Variants in ADAMTSL1 observed in about 807,000 individuals in gnomAD.
ADAMTSL1 encodes the protein ADAMTS like 1.
Under a neutral mutation model 201.8 loss-of-function variants are expected in ADAMTSL1, and 126 were observed. That is an observed-to-expected ratio of 0.62 (90% CI 0.54 to 0.72). The LOEUF (loss-of-function observed/expected upper bound fraction) is 0.72, where lower values mean the gene tolerates loss of function less well. ADAMTSL1 is among the 30% of genes least tolerant of loss of function. The probability of loss-of-function intolerance (pLI) is 0.00; values close to 1 mark genes in which losing one functional copy is unlikely to be tolerated. For synonymous variants in ADAMTSL1, 1,121 were observed against 903.4 expected (o/e 1.24, Z -4.32); for missense variants, 2,679 against 2,277.8 (o/e 1.18, Z -3.59).
chr9:18,030,160 A>G (rs921628896), intron 1 of ADAMTSL1, among the ~76,000 whole-genome samples: 1 of 152,250 alleles, frequency 6.6e-6, no homozygotes, highest in Admixed American at 6.5e-5. Flanking sequence ...ATGTCCAACA[A>G]TGATAGACCG....
chr9:18,336,658 T>C (rs1201968537), intron 2 of ADAMTSL1, among the ~76,000 whole-genome samples: 1 of 152,138 alleles, frequency 6.6e-6, no homozygotes, highest in Non-Finnish European at 1.5e-5. Flanking sequence ...TTACAAAAAG[T>C]AAAAGGAACT....
chr9:18,476,671 CT>C (rs141463331), intron 1 of ADAMTSL1, among the ~76,000 whole-genome samples: 1 of 151,844 alleles, frequency 6.6e-6, no homozygotes, highest in East Asian at 1.9e-4. Context: ...TTCCTATAGT[CT>C]TTTTTTTGTT....
rs746301527 is a variant in ADAMTSL1 at position 18,474,229 on chromosome 9, A to G, written c.-4A>G. 1 of 1,614,122 alleles carries G rather than the reference A, an allele frequency of 6.2e-7. No individual in the cohort carries two copies. The highest frequency in any genetic ancestry group is 8.5e-7 in the Non-Finnish European group (1 of 1,179,978). ...CCGATTCTGATTCCGGCAAGGATCC[A>G]AGCATGGAATGCTGCCGTCGGGCAA... is the stretch of plus-strand genomic sequence containing the variant. On this transcript the variant is annotated 5_prime_UTR_variant, in exon 1 of 29. Transcript: ENST00000380548.
intron 1 of ADAMTSL1, among the ~76,000 whole-genome samples, chr9:18,078,434 T>G (rs1481925464): frequency 6.6e-6 from 1 of 152,282 alleles, no homozygotes; most frequent in African/African-American, 2.4e-5. Flanking sequence ...TAAGCCTTTC[T>G]TCCCCTACCC....
intron 4 of ADAMTSL1, among the ~76,000 whole-genome samples, chr9:18,603,909 A>G (rs937899271): frequency 1.3e-5 from 2 of 152,360 alleles, no homozygotes; most frequent in East Asian, 3.9e-4. Flanking sequence ...AAAAGACAGT[A>G]CAGAGACAAA....
intron 5 of ADAMTSL1, among the ~76,000 whole-genome samples, chr9:18,628,199 G>A (rs946212732): frequency 1.0e-4 from 1 of 9,602 alleles, no homozygotes; most frequent in East Asian, 4.6e-3. Flanking sequence ...GATTTTCTCC[G>A]TGTTTTCTTG....
At chr9:18,163,342 A>C (rs1043951711) in intron 1 of ADAMTSL1, among the ~76,000 whole-genome samples, 2 of 152,030 alleles carry the variant, frequency 1.3e-5, no homozygotes, top group Admixed American at 1.3e-4. Flanking sequence ...AAGTTCTCCA[A>C]TACCTCCTTC....
chr9:18,175,879 G>T (rs1828124154), intron 2 of ADAMTSL1, among the ~76,000 whole-genome samples: 1 of 151,960 alleles, frequency 6.6e-6, no homozygotes, highest in Non-Finnish European at 1.5e-5. Context: ...GGGCAGTCTA[G>T]TACCAGGCTC....
At chr9:18,722,921 T>C in intron 15 of ADAMTSL1, 1 of 721,094 alleles carries the variant, frequency 1.4e-6, no homozygotes, top group Non-Finnish European at 2.6e-6. Flanking sequence ...GTTCCACATT[T>C]CTGTCCTAAC....
intron 4 of ADAMTSL1, among the ~76,000 whole-genome samples, chr9:18,611,706 C>T (rs1031221371): frequency 6.6e-6 from 1 of 152,080 alleles, no homozygotes; most frequent in African/African-American, 2.4e-5. Flanking sequence ...TCAAGAAAGG[C>T]AATATAGGAA....
intron 1 of ADAMTSL1, among the ~76,000 whole-genome samples, chr9:18,041,003 A>G (rs547347906): frequency 6.6e-6 from 1 of 152,220 alleles, no homozygotes; most frequent in Admixed American, 6.5e-5. Flanking sequence ...AGTAGGAATT[A>G]TGTATAAAAT....
chr9:17,944,293 C>G lies in ADAMTSL1; in HGVS notation c.87+37371C>G, dbSNP rs574069244. Reference sequence around the variant, plus strand: ...GACATCTTCAAGGAGAACTACAAACCACTGCTCAATGAAATAAAAGAAGAT... The same window carrying G: ...GACATCTTCAAGGAGAACTACAAACGACTGCTCAATGAAATAAAAGAAGAT... On this transcript the variant is annotated intron_variant, in intron 1 of 29. Transcript: ENST00000680146. Among the ~76,000 whole-genome samples the G allele has an allele frequency of 4.5e-3, 678 of 152,146 alleles. 8 individuals are homozygous for G. The highest frequency in any genetic ancestry group is 0.013 in the South Asian group (61 of 4,814).
At chr9:18,149,687 G>A (rs115382661) in intron 1 of ADAMTSL1, among the ~76,000 whole-genome samples, 1 of 152,072 alleles carries the variant, frequency 6.6e-6, no homozygotes, top group East Asian at 1.9e-4. Context: ...TGTCACGCCA[G>A]AGAGATGTGA....
chr9:18,058,837 G>A (rs1251332803), intron 1 of ADAMTSL1, among the ~76,000 whole-genome samples: 2 of 152,160 alleles, frequency 1.3e-5, no homozygotes, highest in Non-Finnish European at 2.9e-5. Context: ...AACAATTCCA[G>A]TAAAAGAAAC....
upstream of ADAMTSL1, among the ~76,000 whole-genome samples, chr9:18,470,618 A>G (rs940042337): frequency 3.9e-5 from 6 of 152,162 alleles, no homozygotes; most frequent in East Asian, 1.2e-3. Context: ...TGACGGGCTA[A>G]GCAGAGAGGC....
intron 2 of ADAMTSL1, among the ~76,000 whole-genome samples, chr9:18,506,511 CTG>C (rs2131942316): frequency 6.6e-6 from 1 of 152,220 alleles, no homozygotes; most frequent in East Asian, 1.9e-4. Flanking sequence ...GAGTGAGAGA[CTG>C]AGAAGCAATT....
chr9:18,365,598 A>C (rs1378344359), intron 2 of ADAMTSL1, among the ~76,000 whole-genome samples: 2 of 152,236 alleles, frequency 1.3e-5, no homozygotes, highest in East Asian at 3.8e-4. Context: ...AATTAGAAGA[A>C]AAGGGAAAGA....
At chr9:18,122,368 T>A (rs1002431799) in intron 1 of ADAMTSL1, among the ~76,000 whole-genome samples, 3 of 152,080 alleles carry the variant, frequency 2.0e-5, no homozygotes, top group African/African-American at 7.2e-5. Flanking sequence ...CACCAGATGG[T>A]AGAGTCAAGA....
intron 15 of ADAMTSL1, among the ~76,000 whole-genome samples, chr9:18,740,772 C>T (rs534369163): frequency 6.6e-5 from 10 of 152,186 alleles, no homozygotes; most frequent in East Asian, 1.9e-4. Context: ...TCACCACGCT[C>T]GGCCTCAATG....
Sources: allele counts gnomAD v4.1 joint callset (sites outside exome capture counted in the v4.1 genomes callset), GRCh38; gene constraint gnomAD v4.1.1; transcripts MANE v1.5; gene names NCBI Gene and HGNC (gene_info 2026-07-23, HGNC 2026-07-21).